The following PTPRG variants were observed in gnomAD, a reference collection of about 807,000 sequenced individuals.
PTPRG encodes protein tyrosine phosphatase receptor type G.
PTPRG carries 102 observed loss-of-function variants against 165.3 expected under a neutral mutation model. The ratio of observed to expected loss-of-function variants is 0.62; its 90% CI spans 0.53 to 0.73. The LOEUF is 0.73. Ranked by LOEUF, PTPRG falls within the 30% of genes least tolerant of loss-of-function variation. The pLI is 0.00. For synonymous variants in PTPRG, 675 were observed against 669.5 expected (o/e 1.01, Z -0.13); for missense variants, 1,866 against 1,861.4 (o/e 1.00, Z -0.05).
chr3:61,733,863 T>C (rs952645553), intron 1 of PTPRG, among the ~76,000 whole-genome samples: 1 of 152,186 alleles, frequency 6.6e-6, no homozygotes, highest in Non-Finnish European at 1.5e-5. Flanking sequence ...AGTGGTGTAA[T>C]CTCAGCTCAC....
rs1002939026 is a variant in PTPRG, at chr3:62,233,009, A to G, written c.2375+1698A>G. The stretch of plus-strand genomic sequence containing the variant: ...CTAGAAAATGAGTCTAATGATAGCA[A>G]CTTTTCATGAGGTTGTTGTGAAGAT... On this transcript the variant is annotated intron_variant, in intron 14 of 29. Coordinates refer to ENST00000474889, the MANE Select transcript of PTPRG (RefSeq NM_002841.4). The surrounding 1 kb of genome is among the most constrained non-coding windows in gnomAD (Gnocchi z 4.7). 6.6e-6 allele frequency among the ~76,000 whole-genome samples: 1 copy of G among 152,150 alleles called. No individual in the cohort carries two copies. The highest frequency in any genetic ancestry group is 1.5e-5 in the Non-Finnish European group (1 of 68,028).
chr3:61,772,826 A>G (rs998877383), intron 2 of PTPRG, among the ~76,000 whole-genome samples: 2 of 152,174 alleles, frequency 1.3e-5, no homozygotes, highest in Non-Finnish European at 2.9e-5. Flanking sequence ...TGTAGGAGAG[A>G]TGGTCAAAAA....
chr3:62,170,633 G>A lies in PTPRG; in HGVS notation c.1033+2470G>A, dbSNP rs540153466. Among the ~76,000 whole-genome samples, 10 of 152,190 alleles carry A rather than the reference G, an allele frequency of 6.6e-5. No homozygotes were observed. The South Asian group carries it at 1.9e-3, about 28-fold the overall frequency. On this transcript the variant is annotated intron_variant, in intron 8 of 29. Coordinates refer to ENST00000474889, the MANE Select transcript of PTPRG (RefSeq NM_002841.4). The stretch of plus-strand genomic sequence containing the variant: ...CAACCACAGAACCATCCTTAAATAC[G>A]GCAAATTCATGTGTCATTCTACTAG...
chr3:62,149,972 A>G (rs1704267938), intron 6 of PTPRG, among the ~76,000 whole-genome samples: 1 of 152,090 alleles, frequency 6.6e-6, no homozygotes, highest in South Asian at 2.1e-4. Context: ...GTCCCTCTGC[A>G]CTGGCTTTTC....
At chr3:62,256,478 A>G (rs1701538972) in intron 16 of PTPRG, among the ~76,000 whole-genome samples, 1 of 152,202 alleles carries the variant, frequency 6.6e-6, no homozygotes, top group African/African-American at 2.4e-5. Context: ...TATGGAACCA[A>G]CAAAAGCATG....
intron 2 of PTPRG, among the ~76,000 whole-genome samples, chr3:61,776,557 G>T (rs937513300): frequency 6.6e-6 from 1 of 152,114 alleles, no homozygotes; most frequent in Non-Finnish European, 1.5e-5. Flanking sequence ...TACATCCATA[G>T]TGAACTGGGA....
At chr3:61,672,468 G>A (rs1198138287) in intron 1 of PTPRG, among the ~76,000 whole-genome samples, 7 of 144,680 alleles carry the variant, frequency 4.8e-5, no homozygotes, top group African/African-American at 1.8e-4. Context: ...CTGCAATCCC[G>A]GCACCTCGGG....
intron 1 of PTPRG, among the ~76,000 whole-genome samples, chr3:61,576,926 A>C (rs1173811589): frequency 6.6e-6 from 1 of 152,222 alleles, no homozygotes; most frequent in Non-Finnish European, 1.5e-5. Context: ...GGGGTTTTGC[A>C]TCAGATTATG....
chr3:62,187,287 A>G (rs1336962556), intron 8 of PTPRG, among the ~76,000 whole-genome samples: 9 of 152,248 alleles, frequency 5.9e-5, no homozygotes, highest in Non-Finnish European at 1.2e-4. Flanking sequence ...TTCAGTGCCA[A>G]GAATACAGTG....
At chr3:61,900,267 C>A (rs754198237) in intron 2 of PTPRG, among the ~76,000 whole-genome samples, 1 of 151,964 alleles carries the variant, frequency 6.6e-6, no homozygotes, top group African/African-American at 2.4e-5. Context: ...CCACATTTTC[C>A]GGTTTGTTTT....
chr3:61,719,837 CT>C (rs2031975119), intron 1 of PTPRG, among the ~76,000 whole-genome samples: 1 of 152,076 alleles, frequency 6.6e-6, no homozygotes. Flanking sequence ...ACCCTTGTGC[CT>C]CACTGTTTTG....
At chr3:61,713,685 G>T (rs769192531) in intron 1 of PTPRG, among the ~76,000 whole-genome samples, 1 of 152,030 alleles carries the variant, frequency 6.6e-6, no homozygotes, top group East Asian at 1.9e-4. Flanking sequence ...CAGATTTTAC[G>T]TGCTGGCCGC....
chr3:61,796,441 G>A (rs930117877), intron 2 of PTPRG, among the ~76,000 whole-genome samples: 1 of 152,228 alleles, frequency 6.6e-6, no homozygotes, highest in Non-Finnish European at 1.5e-5. Flanking sequence ...CAGGAGCCAG[G>A]AGAGCTGATA....
At chr3:62,158,343 G>T (rs573773001) in intron 7 of PTPRG, among the ~76,000 whole-genome samples, 2 of 152,188 alleles carry the variant, frequency 1.3e-5, no homozygotes, top group Admixed American at 6.5e-5. Context: ...AGCCAGGAAC[G>T]ATGGGTAGGA....
chr3:62,275,901 TG>T lies in PTPRG; in HGVS notation c.3496del (p.Glu1166AsnfsTer35). 1 of 1,611,500 alleles carries T rather than the reference TG, an allele frequency of 6.2e-7. No homozygotes were observed. Among genetic ancestry groups the T allele is most frequent in the Non-Finnish European group, 8.5e-7 (1 of 1,178,418 alleles). On this transcript the variant is annotated frameshift_variant, in exon 24 of 30. Transcript: ENST00000474889. LOFTEE classifies it high-confidence loss of function. ...KLVTQCNAKYVECFSAQKECN... is the reference protein window; with the variant it reads ...KLVTQCNAKYXECFSAQKECN... Reference sequence around the variant, plus strand: ...GTCACACAGTGTAATGCAAAATATGTGGAATGTTTCAGTGCTCAGAAAGAGT... The same window carrying T: ...GTCACACAGTGTAATGCAAAATATGTGAATGTTTCAGTGCTCAGAAAGAGT...
chr3:61,757,674 T>A (rs1028177284), intron 2 of PTPRG, among the ~76,000 whole-genome samples: 6 of 152,210 alleles, frequency 3.9e-5, no homozygotes, highest in African/African-American at 7.2e-5. Flanking sequence ...TACTTTGACA[T>A]AGCATAAATC....
chr3:61,953,066 G>A (rs540544154), intron 2 of PTPRG, among the ~76,000 whole-genome samples: 3 of 151,792 alleles, frequency 2.0e-5, no homozygotes, highest in African/African-American at 2.4e-5. Flanking sequence ...TTAATTTCTC[G>A]CCCTTTCTAC....
In PTPRG at chr3:62,229,142, G is replaced by A. The variant is rs931471824; in HGVS notation, c.2289-2083G>A. Among the ~76,000 whole-genome samples the A allele has an allele frequency of 1.3e-5, 2 of 152,068 alleles. No individual in the cohort carries two copies. The highest frequency in any genetic ancestry group is 2.9e-5 in the Non-Finnish European group (2 of 68,022). The stretch of plus-strand genomic sequence containing the variant: ...GCCTCAGAGGGTTTGAGTTTATGAC[G>A]ACACCCTGGTGTTAAACTATCTTGC... On this transcript the variant is annotated intron_variant, in intron 13 of 29. Transcript: ENST00000474889. This position sits in a 1 kb window ranked among gnomAD's most constrained non-coding sequence, Gnocchi z 4.6.
chr3:61,923,740 A>T (rs1483075181), intron 2 of PTPRG, among the ~76,000 whole-genome samples: 1 of 136,832 alleles, frequency 7.3e-6, no homozygotes, highest in African/African-American at 2.8e-5. Flanking sequence ...CATGTTGCAC[A>T]GGCTGGTCTT....
Sources: allele counts gnomAD v4.1 joint callset (sites outside exome capture counted in the v4.1 genomes callset), GRCh38; gene constraint gnomAD v4.1.1; non-coding constraint Gnocchi (gnomAD v3.1); transcripts MANE v1.5; gene names NCBI Gene and HGNC (gene_info 2026-07-23, HGNC 2026-07-21).